TMLHE: variants seen among roughly 807,000 people sequenced by gnomAD.
TMLHE encodes trimethyllysine hydroxylase, epsilon, also known as trimethyllysine dioxygenase, mitochondrial.
In TMLHE, 18 loss-of-function variants were observed where a neutral mutation model predicts 25.7. That is an observed-to-expected ratio of 0.70 (90% confidence interval 0.48 to 1.04). TMLHE has a LOEUF of 1.04. Ranked by LOEUF, TMLHE falls within the 50% of genes least tolerant of loss-of-function variation. TMLHE has a pLI of 0.00. For missense variants in TMLHE, 236 were observed against 259.0 expected, an observed-to-expected ratio of 0.91 and a Z score of 0.61; for synonymous variants, 105 against 97.0, an observed-to-expected ratio of 1.08 and a Z score of -0.49.
rs1270936253 is a variant in TMLHE at position 155,569,592 on chromosome X, T to C, written c.-1-24315A>G. 1.1e-4 allele frequency among the ~76,000 whole-genome samples: 6 copies of C among 55,964 alleles called. 3 individuals carry two copies. The highest frequency in any genetic ancestry group is 8.2e-4 in the Admixed American group (4 of 4,853). The allele number at this position is 55,964 out of a possible 115,157, so 48.6% of individuals were successfully genotyped here. ...GTTAAGGGCAGCCAGAGAGAAAGGT[T>C]GGGTTACCCGCAAAGGGAAGCCCAT... On this transcript the variant is annotated intron_variant, in intron 1 of 7. Transcript: ENST00000334398.
At chrX:155,540,836 T>C (rs1172347430) in intron 2 of TMLHE, among the ~76,000 whole-genome samples, 1 of 110,671 alleles carries the variant, frequency 9.0e-6, no homozygotes, top group Admixed American at 9.6e-5. Flanking sequence ...TTGGAAAAGA[T>C]GAAGTAAAAT....
At chrX:155,560,061 T>A in intron 1 of TMLHE, among the ~76,000 whole-genome samples, 2 of 112,326 alleles carry the variant, frequency 1.8e-5, no homozygotes, top group African/African-American at 6.5e-5. Context: ...TCTTTAATTA[T>A]TTTTCTTACC....
At position 155,609,860 on chromosome X, in the gene TMLHE, G is replaced by GA. The variant is rs1310419454; in HGVS notation, c.-2+2931dup. 8.9e-5 allele frequency among the ~76,000 whole-genome samples: 10 copies of GA among 111,963 alleles called. No homozygotes were observed. The South Asian group carries it at 1.5e-3, about 17-fold the overall frequency. ...CACCCTCAAGAATAGCTACACATTT[G>GA]AAAAAAACAAAACAAAACGGGGAAA... On this transcript the variant is annotated intron_variant, in intron 1 of 7. Coordinates refer to ENST00000334398, the MANE Select transcript of TMLHE (RefSeq NM_018196.4).
chrX:155,602,200 G>T (rs2067759972), intron 1 of TMLHE, among the ~76,000 whole-genome samples: 1 of 111,473 alleles, frequency 9.0e-6, no homozygotes, highest in Non-Finnish European at 1.9e-5. Context: ...TCATGACAAA[G>T]AGAGATTTAT....
intron 5 of TMLHE, among the ~76,000 whole-genome samples, chrX:155,507,797 C>T (rs1204914883): frequency 2.7e-5 from 3 of 110,764 alleles, no homozygotes; most frequent in Non-Finnish European, 3.8e-5. Flanking sequence ...TTAAAGAGTC[C>T]ATTATGTTGA....
intron 1 of TMLHE, among the ~76,000 whole-genome samples, chrX:155,548,563 G>A (rs887707440): frequency 3.1e-4 from 34 of 108,729 alleles, no homozygotes; most frequent in African/African-American, 7.9e-4. Flanking sequence ...GTGAAACCCT[G>A]TCTCTACTAA....
intron 1 of TMLHE, among the ~76,000 whole-genome samples, chrX:155,593,152 C>A (rs1230950369): frequency 1.8e-5 from 2 of 111,895 alleles, no homozygotes; most frequent in Non-Finnish European, 3.8e-5. Flanking sequence ...CCAGCCTGCA[C>A]CCCTGGCCCA....
intron 1 of TMLHE, among the ~76,000 whole-genome samples, chrX:155,547,179 C>T (rs1398227012): frequency 5.9e-5 from 6 of 101,280 alleles, no homozygotes; most frequent in Non-Finnish European, 1.2e-4. Flanking sequence ...GAGTCTTGCT[C>T]TGTCGCCCAG....
chrX:155,516,050 G>C (rs1251985289), intron 3 of TMLHE, among the ~76,000 whole-genome samples: 3 of 59,020 alleles, frequency 5.1e-5, no homozygotes, highest in Non-Finnish European at 6.5e-5. Context: ...AAGTTTTAGG[G>C]TACATGTGCA....
intron 1 of TMLHE, among the ~76,000 whole-genome samples, chrX:155,577,432 A>G (rs2067597821): frequency 9.1e-6 from 1 of 110,018 alleles, no homozygotes; most frequent in Non-Finnish European, 1.9e-5. Flanking sequence ...AAAAAAAATT[A>G]GTTGGCCATG....
chrX:155,595,709 GT>G (rs1557346441), intron 1 of TMLHE, among the ~76,000 whole-genome samples: 1 of 111,889 alleles, frequency 8.9e-6, no homozygotes, highest in Admixed American at 9.5e-5. Flanking sequence ...TGAAAATGTA[GT>G]TTTTATATGG....
intron 2 of TMLHE, among the ~76,000 whole-genome samples, chrX:155,541,237 TC>T (rs2067309172): frequency 1.8e-5 from 2 of 110,499 alleles, no homozygotes; most frequent in Non-Finnish European, 3.8e-5. Flanking sequence ...GATGTTCCCT[TC>T]CCTGTGTCCA....
chrX:155,607,034 C>A (rs7049578), intron 1 of TMLHE, among the ~76,000 whole-genome samples: 272 of 111,254 alleles, frequency 2.4e-3, no homozygotes, highest in African/African-American at 8.6e-3. Flanking sequence ...TGAATTCTAC[C>A]AGACATATAA....
At chrX:155,595,244 C>T (rs1053149124) in intron 1 of TMLHE, among the ~76,000 whole-genome samples, 3 of 111,747 alleles carry the variant, frequency 2.7e-5, no homozygotes, top group Non-Finnish European at 5.7e-5. Flanking sequence ...TTCATAGACA[C>T]CTCTTGTTGC....
rs781836453 is a variant in TMLHE, at chrX:155,560,944, G to C, written c.-1-15667C>G. Among the ~76,000 whole-genome samples the C allele has an allele frequency of 1.6e-4, 10 of 61,608 alleles. 3 individuals are homozygous for C. Among genetic ancestry groups the C allele is most frequent in the African/African-American group, 3.6e-4 (10 of 27,795 alleles). 53.5% of individuals were successfully genotyped at this position (61,608 alleles called of 115,157 possible). ...TAAACTGTAAACAGGCCAAGGAAAG[G>C]AGGGATACCTGTTAGTAGGCTATTA... is the stretch of plus-strand genomic sequence containing the variant. On this transcript the variant is annotated intron_variant, in intron 1 of 7. Transcript: ENST00000334398.
In TMLHE at chrX:155,545,223, C is replaced by T. The variant is rs2067337166; in HGVS notation, c.54G>A (p.Lys18=). ...HLHSRLQDLL[K]GGVIYPALPQ... is the part of the protein sequence containing the mutation. ...GAAGGGCCGGATATATGACTCCTCC[C>T]TTCAGCAAGTCCTGAAGCCTGCTGT... Residue 18 remains lysine, a synonymous_variant, in exon 2 of 8, where the codon AAG becomes AAA. Transcript: ENST00000334398. The T allele has an allele frequency of 4.1e-6, 5 of 1,209,134 alleles. 1 individual carries two copies. In the African/African-American group the frequency reaches 6.9e-5, roughly 17 times the overall value.
At chrX:155,598,628 A>G (rs781825103) in intron 1 of TMLHE, among the ~76,000 whole-genome samples, 1 of 109,337 alleles carries the variant, frequency 9.1e-6, no homozygotes, top group East Asian at 2.9e-4. Flanking sequence ...GGTGCAGCAC[A>G]CCAACATGGC....
rs1212971000 is a variant in TMLHE, at chrX:155,566,673, T to G, written c.-1-21396A>C. Among the ~76,000 whole-genome samples the G allele has an allele frequency of 4.9e-5, 3 of 61,503 alleles. No individual in the cohort carries two copies. In the Admixed American group the frequency reaches 5.7e-4, roughly 12 times the overall value. 53.4% of individuals were successfully genotyped at this position (61,503 alleles called of 115,157 possible). On this transcript the variant is annotated intron_variant, in intron 1 of 7. Transcript: ENST00000334398. ...TTAAGGTACCAGAACTCCCTTTTTA[T>G]GGGTTGAGGTACACGCTGAGAGAGT...
At chrX:155,592,281 T>C (rs782630173) in intron 1 of TMLHE, among the ~76,000 whole-genome samples, 1 of 111,788 alleles carries the variant, frequency 8.9e-6, no homozygotes, top group Non-Finnish European at 1.9e-5. Flanking sequence ...ATGGTGACTA[T>C]ATTTGATAAC....
Sources: allele counts gnomAD v4.1 joint callset (sites outside exome capture counted in the v4.1 genomes callset), GRCh38; gene constraint gnomAD v4.1.1; transcripts MANE v1.5; gene names NCBI Gene and HGNC (gene_info 2026-07-23, HGNC 2026-07-21).